USP49: variants seen among roughly 807,000 people sequenced by gnomAD.
USP49 encodes ubiquitin carboxyl-terminal hydrolase 49.
Under a neutral mutation model 58.6 loss-of-function variants are expected in USP49, and 24 were observed. That is an observed-to-expected ratio of 0.41 (90% CI 0.30 to 0.58). The LOEUF is 0.58. Among genes scored for constraint, USP49 ranks in the 20% least tolerant of loss-of-function variants. The pLI is 0.30. For missense variants in USP49, 703 were observed against 866.1 expected, an observed-to-expected ratio of 0.81 and a Z score of 2.36; for synonymous variants, 408 against 365.1, an observed-to-expected ratio of 1.12 and a Z score of -1.34.
intron 7 of USP49, 88 bp from the exon 8 acceptor site, chr6:41,796,811 C>A: frequency 1.5e-6 from 1 of 664,858 alleles, no homozygotes; most frequent in South Asian, 1.7e-5. Context: ...AAGAAAGGGA[C>A]AGAGAAGTTC....
At chr6:41,817,100 G>A (rs1389857855) in intron 3 of USP49, among the ~76,000 whole-genome samples, 2 of 149,878 alleles carry the variant, frequency 1.3e-5, no homozygotes, top group African/African-American at 2.5e-5. Context: ...TCAGCTCCCC[G>A]AGTAGCTGGG....
chr6:41,875,028 A>C (rs1774479621), intron 2 of USP49, among the ~76,000 whole-genome samples: 1 of 152,080 alleles, frequency 6.6e-6, no homozygotes, highest in African/African-American at 2.4e-5. Context: ...AACACCAAAA[A>C]CTAACTTCTG....
intron 2 of USP49, among the ~76,000 whole-genome samples, chr6:41,888,988 C>T (rs1774765496): frequency 6.6e-6 from 1 of 151,908 alleles, no homozygotes. Context: ...TCCATTCGTC[C>T]CCCTCATAAT....
chr6:41,804,015 A>G lies in USP49; in HGVS notation c.1357-5T>C. ...ATTGCATGATATACATGTGACCTAG[A>G]ATGAAAAGATTGATTTACAGATTAT... On this transcript the variant is annotated splice_region_variant and splice_polypyrimidine_tract_variant and intron_variant, in intron 4 of 7. Coordinates refer to ENST00000682992, the MANE Select transcript of USP49 (RefSeq NM_001286554.2). The G allele has an allele frequency of 1.2e-6, 2 of 1,613,042 alleles. No individual in the cohort carries two copies. Among genetic ancestry groups the G allele is most frequent in the Non-Finnish European group, 1.7e-6 (2 of 1,179,378 alleles).
intron 3 of USP49, among the ~76,000 whole-genome samples, chr6:41,811,644 G>C (rs553963845): frequency 1.3e-5 from 2 of 152,204 alleles, no homozygotes; most frequent in Admixed American, 6.5e-5. Context: ...TCAACTCTTA[G>C]TGGTCAAAAG....
At chr6:41,890,972 A>G (rs975951539) in intron 2 of USP49, among the ~76,000 whole-genome samples, 1 of 152,220 alleles carries the variant, frequency 6.6e-6, no homozygotes, top group Non-Finnish European at 1.5e-5. Context: ...TTGTAAATAC[A>G]ATTTTGGAAT....
intron 2 of USP49, chr6:41,887,242 A>C (rs960887940): frequency 3.3e-5 from 5 of 152,218 alleles, no homozygotes; most frequent in African/African-American, 1.2e-4. Flanking sequence ...GGATAGATAC[A>C]AGCATCATAC....
In USP49 at chr6:41,856,038, A is replaced by G. The variant is rs1166967296; in HGVS notation, c.-29+15526T>C. On this transcript the variant is annotated intron_variant, in intron 3 of 7. Coordinates refer to ENST00000682992, the MANE Select transcript of USP49 (RefSeq NM_001286554.2). ...ATTCCAGCCTAGGCGACAGAGTGAG[A>G]CTCCATCTCAAAAAAAAAAAAGTAA... Among the ~76,000 whole-genome samples, 3 of 146,734 alleles carry G rather than the reference A, an allele frequency of 2.0e-5. No individual in the cohort carries two copies. The Admixed American group carries it at 2.1e-4, about 10-fold the overall frequency.
rs199643859 is a variant in USP49 at position 41,890,558 on chromosome 6, CA to C, written c.-103+1235del. On this transcript the variant is annotated intron_variant, in intron 2 of 7. Coordinates refer to ENST00000682992, the MANE Select transcript of USP49 (RefSeq NM_001286554.2). ...TGAAACCTTGTCTCTACAAAAAATA[CA>C]AAAATTAACCAGGTGTGATGGCACA... is the stretch of plus-strand genomic sequence containing the variant. Among the ~76,000 whole-genome samples, 1,024 of 152,146 alleles carry C rather than the reference CA, an allele frequency of 6.7e-3. 11 individuals carry two copies. The highest frequency in any genetic ancestry group is 0.023 in the African/African-American group (964 of 41,506).
At chr6:41,832,356 T>G (rs1338256820) in intron 3 of USP49, among the ~76,000 whole-genome samples, 1 of 152,246 alleles carries the variant, frequency 6.6e-6, no homozygotes, top group Non-Finnish European at 1.5e-5. Context: ...CAGGGCACTA[T>G]GTAAGACTAT....
At chr6:41,889,807 T>G (rs1301186473) in intron 2 of USP49, among the ~76,000 whole-genome samples, 1 of 152,210 alleles carries the variant, frequency 6.6e-6, no homozygotes, top group Non-Finnish European at 1.5e-5. Flanking sequence ...TCATATGCAT[T>G]TTCTTCAATT....
intron 3 of USP49, among the ~76,000 whole-genome samples, chr6:41,845,610 C>A (rs1345533347): frequency 6.6e-6 from 1 of 151,654 alleles, no homozygotes; most frequent in Non-Finnish European, 1.5e-5. Flanking sequence ...TCATTTGAGC[C>A]CAGGAGTTTG....
rs1334149834 is a variant in USP49 at position 41,793,918 on chromosome 6, G to A, written c.*2615C>T. ...AGCAGGCCCATTAAGGTTCGGTTAG[G>A]AGACCTTGGGTTTGATTTGGCAGCA... is the stretch of plus-strand genomic sequence containing the variant. On this transcript the variant is annotated 3_prime_UTR_variant, in exon 8 of 8. Transcript: ENST00000682992. 6.6e-6 allele frequency: 1 copy of A among 152,222 alleles called. No individual in the cohort carries two copies. The highest frequency in any genetic ancestry group is 2.4e-5 in the African/African-American group (1 of 41,450). The allele number at this position is 152,222 out of a possible 1,614,324, so 9.4% of individuals were successfully genotyped here.
At chr6:41,802,918 G>C (rs1773046163) in intron 5 of USP49, among the ~76,000 whole-genome samples, 1 of 152,090 alleles carries the variant, frequency 6.6e-6, no homozygotes, top group Non-Finnish European at 1.5e-5. Context: ...AACTTTTCAG[G>C]CATGTGAACA....
chr6:41,860,182 A>G (rs1405676648), intron 3 of USP49, among the ~76,000 whole-genome samples: 1 of 152,188 alleles, frequency 6.6e-6, no homozygotes, highest in Non-Finnish European at 1.5e-5. Context: ...GGGGAACTCT[A>G]CAAGACTTAG....
intron 3 of USP49, among the ~76,000 whole-genome samples, chr6:41,813,882 G>A (rs535066579): frequency 4.6e-5 from 7 of 152,210 alleles, no homozygotes; most frequent in South Asian, 2.1e-4. Flanking sequence ...AGGTATACTC[G>A]GGTCAAGAAA....
intron 2 of USP49, among the ~76,000 whole-genome samples, chr6:41,889,040 T>A (rs1014572642): frequency 6.6e-6 from 1 of 152,092 alleles, no homozygotes; most frequent in Non-Finnish European, 1.5e-5. Flanking sequence ...ATTTTTTTTT[T>A]TTTTATTTTT....
At chr6:41,875,626 T>C (rs1045942205) in intron 2 of USP49, among the ~76,000 whole-genome samples, 1 of 152,224 alleles carries the variant, frequency 6.6e-6, no homozygotes, top group Admixed American at 6.5e-5. Context: ...ATCCTTATTT[T>C]CCACTACCCA....
chr6:41,867,304 C>T (rs545761439), intron 3 of USP49, among the ~76,000 whole-genome samples: 18 of 152,306 alleles, frequency 1.2e-4, no homozygotes, highest in Admixed American at 1.1e-3. Flanking sequence ...CTGACTGTCA[C>T]TCAAATATTA....
Sources: allele counts gnomAD v4.1 joint callset (sites outside exome capture counted in the v4.1 genomes callset), GRCh38; gene constraint gnomAD v4.1.1; transcripts MANE v1.5; gene names NCBI Gene and HGNC (gene_info 2026-07-23, HGNC 2026-07-21).